The following SH3BP5 variants were observed in gnomAD, a reference collection of about 807,000 sequenced individuals.
SH3BP5 encodes the protein SH3 domain binding protein 5.
SH3BP5 carries 22 observed loss-of-function variants against 43.3 expected under a neutral mutation model. The ratio of observed to expected loss-of-function variants is 0.51; its 90% CI spans 0.36 to 0.73. The LOEUF is 0.73. Among genes scored for constraint, SH3BP5 ranks in the 30% least tolerant of loss-of-function variants. The pLI is 0.00. For missense variants in SH3BP5, 529 were observed against 586.9 expected (o/e 0.90, Z 1.02); for synonymous variants, 255 against 225.8 (o/e 1.13, Z -1.16).
chr3:15,293,161 C>T (rs1697461210), intron 3 of SH3BP5, among the ~76,000 whole-genome samples: 1 of 152,222 alleles, frequency 6.6e-6, no homozygotes, highest in South Asian at 2.1e-4. Context: ...CAGTTCTTGC[C>T]ATAAATCTCC....
rs1198576092 is a variant in SH3BP5 at position 15,332,256 on chromosome 3, C to T, written c.138+15G>A. On this transcript the variant is annotated intron_variant, in intron 1 of 8. Transcript: ENST00000383791. ...CTCGCGAAGCCCGGATGCGGGGCGA[C>T]CCCGCGCGCCCTACCTGGATCCGGG... is the stretch of plus-strand genomic sequence containing the variant. 6.4e-7 allele frequency: 1 copy of T among 1,551,532 alleles called. No homozygotes were observed. The highest frequency in any genetic ancestry group is 2.4e-5 in the East Asian group (1 of 41,818).
rs191319702 is a variant in SH3BP5, at chr3:15,299,644, C to T, written c.330+4459G>A. On this transcript the variant is annotated intron_variant, in intron 3 of 8. Coordinates refer to ENST00000383791, the MANE Select transcript of SH3BP5 (RefSeq NM_004844.5). ...AAGGGCTAGGACCACAGGCACATAT[C>T]ACTACATCCAGCTAATTTTAAATTT... Among the ~76,000 whole-genome samples, 147 of 152,070 alleles carry T rather than the reference C, an allele frequency of 9.7e-4. 3 individuals are homozygous for T. The East Asian group carries it at 0.02, about 21-fold the overall frequency.
At chr3:15,283,588 G>A (rs540680190) in intron 3 of SH3BP5, among the ~76,000 whole-genome samples, 1 of 152,286 alleles carries the variant, frequency 6.6e-6, no homozygotes, top group South Asian at 2.1e-4. Flanking sequence ...CCTGTTAGTG[G>A]CCACACCACT....
At chr3:15,260,658 G>A (rs2125045806) in intron 5 of SH3BP5, 1 of 152,346 alleles carries the variant, frequency 6.6e-6, no homozygotes, top group South Asian at 2.1e-4. Flanking sequence ...AGGAGCACAA[G>A]GTGAAGAGTA....
At chr3:15,332,622 G>A, upstream of SH3BP5, 1 of 1,182,424 alleles carries the variant, frequency 8.5e-7, no homozygotes, top group Non-Finnish European at 1.0e-6. Flanking sequence ...TGCCGCGGCA[G>A]TCAGCGCAGC....
Position 15,256,041 on chromosome 3 carries a change from C to G in SH3BP5, c.*45G>C. Reference sequence around the variant, plus strand: ...TTATTGGCACAATGTTCTCCAGTTCCATGTATAAATGTTGATATGCACATC... The same window carrying G: ...TTATTGGCACAATGTTCTCCAGTTCGATGTATAAATGTTGATATGCACATC... On this transcript the variant is annotated 3_prime_UTR_variant, in exon 9 of 9. Transcript: ENST00000383791. The G allele has an allele frequency of 7.0e-7, 1 of 1,427,728 alleles. No individual in the cohort carries two copies. Among genetic ancestry groups the G allele is most frequent in the Non-Finnish European group, 9.8e-7 (1 of 1,020,626 alleles). The allele number at this position is 1,427,728 out of a possible 1,614,324, so 88.4% of individuals were successfully genotyped here.
intron 3 of SH3BP5, among the ~76,000 whole-genome samples, chr3:15,280,729 G>A (rs144777767): frequency 4.0e-4 from 61 of 152,240 alleles, no homozygotes; most frequent in African/African-American, 1.0e-3. Context: ...CCTCCACTGC[G>A]GTGGGTTTCC....
intron 1 of SH3BP5, chr3:15,331,950 G>A (rs1698620800): frequency 7.0e-6 from 2 of 284,268 alleles, no homozygotes; most frequent in Non-Finnish European, 6.7e-6. Context: ...TACCCCCGAG[G>A]ATACCATGGC....
At chr3:15,286,570 C>A (rs545732211) in intron 3 of SH3BP5, among the ~76,000 whole-genome samples, 1 of 152,288 alleles carries the variant, frequency 6.6e-6, no homozygotes, top group African/African-American at 2.4e-5. Flanking sequence ...GTTTTTGAGA[C>A]AAGGTCTCAC....
intron 2 of SH3BP5, among the ~76,000 whole-genome samples, chr3:15,326,586 A>G (rs1025938007): frequency 1.3e-5 from 2 of 152,200 alleles, no homozygotes; most frequent in Non-Finnish European, 2.9e-5. Flanking sequence ...GAATTCGTCT[A>G]CTCGCTAAAA....
At chr3:15,300,879 C>T (rs1043345236) in intron 3 of SH3BP5, among the ~76,000 whole-genome samples, 14 of 152,094 alleles carry the variant, frequency 9.2e-5, no homozygotes, top group Non-Finnish European at 2.1e-4. Context: ...TTGGGAGCTG[C>T]CCATTAAGAG....
At chr3:15,257,185 C>G (rs76563059) in intron 7 of SH3BP5, 72 bp from the exon 8 acceptor site, 1 of 1,513,836 alleles carries the variant, frequency 6.6e-7, no homozygotes. Context: ...TTGCTGCTGG[C>G]AGGCAGCTAG....
intron 4 of SH3BP5, among the ~76,000 whole-genome samples, chr3:15,265,959 G>A (rs1283675520): frequency 1.3e-5 from 2 of 152,124 alleles, no homozygotes; most frequent in Admixed American, 6.5e-5. Flanking sequence ...CAGCCTCTTC[G>A]CGGGGTCCCA....
intron 1 of SH3BP5, among the ~76,000 whole-genome samples, chr3:15,338,037 A>T (rs116619219): frequency 0.02 from 3,007 of 147,166 alleles, 103 homozygotes; most frequent in African/African-American, 0.069. Context: ...TGCAATGCCA[A>T]TTTTTTTTTT....
intron 2 of SH3BP5, among the ~76,000 whole-genome samples, chr3:15,324,835 T>C (rs1162874657): frequency 6.6e-6 from 1 of 150,508 alleles, no homozygotes; most frequent in Non-Finnish European, 1.5e-5. Context: ...AGTTTTTGTT[T>C]GTACCATTGC....
In SH3BP5 at chr3:15,259,757, A is replaced by G. The variant is rs1696362905; in HGVS notation, c.669+4T>C. 2 of 1,614,094 alleles carry G rather than the reference A, an allele frequency of 1.2e-6. No homozygotes were observed. Among genetic ancestry groups the G allele is most frequent in the East Asian group, 4.5e-5 (2 of 44,884 alleles). ...TCAGTGACGAAGCCCAAAGCTACAC[A>G]TACCTCGAGCTGCACATAGTACTTT... On this transcript the variant is annotated splice_donor_region_variant and intron_variant, in intron 6 of 8. Transcript: ENST00000383791.
rs368561302 is a variant in SH3BP5 at position 15,258,949 on chromosome 3, G to A, written c.771C>T (p.Ile257=). Residue 257 remains isoleucine, a synonymous_variant, in exon 7 of 9, where the codon ATC becomes ATT. Coordinates refer to ENST00000383791, the MANE Select transcript of SH3BP5 (RefSeq NM_004844.5). Reference sequence around the variant, plus strand: ...TGGCACTGGAGCGCCGCCGCTCGTGGATCTCATCTGAGATCATCTCCAGGT... The same window carrying A: ...TGGCACTGGAGCGCCGCCGCTCGTGAATCTCATCTGAGATCATCTCCAGGT... ...LKNLEMISDE[I]HERRRSSAMG... The A allele has an allele frequency of 6.2e-7, 1 of 1,614,196 alleles. No individual in the cohort carries two copies. Among genetic ancestry groups the A allele is most frequent in the Non-Finnish European group, 8.5e-7 (1 of 1,180,034 alleles).
intron 2 of SH3BP5, among the ~76,000 whole-genome samples, chr3:15,314,452 C>G (rs929466237): frequency 6.6e-6 from 1 of 152,276 alleles, no homozygotes; most frequent in Non-Finnish European, 1.5e-5. Context: ...CAAGCTGATT[C>G]TACCTTAAGA....
At chr3:15,313,473 C>G (rs533126434) in intron 2 of SH3BP5, among the ~76,000 whole-genome samples, 8 of 152,294 alleles carry the variant, frequency 5.3e-5, no homozygotes, top group African/African-American at 1.9e-4. Flanking sequence ...GACTTACTGG[C>G]CAGTGGTAAA....
Sources: gnomAD v4.1 joint callset for allele counts (sites outside exome capture counted in the v4.1 genomes callset) on GRCh38, gnomAD v4.1.1 for gene constraint, MANE v1.5 for transcripts, NCBI Gene and HGNC (gene_info 2026-07-23, HGNC 2026-07-21) for gene names.